Variants in TMC1 observed in about 807,000 individuals in gnomAD.
TMC1 encodes transmembrane channel-like protein 1.
TMC1 carries 84 observed loss-of-function variants against 105.8 expected under a neutral mutation model. The ratio of observed to expected loss-of-function variants is 0.79; its 90% CI spans 0.67 to 0.95. The LOEUF (loss-of-function observed/expected upper bound fraction) is 0.95, where lower values mean the gene tolerates loss of function less well. Ranked by LOEUF, TMC1 falls within the 40% of genes least tolerant of loss-of-function variation. TMC1 has a pLI of 0.00. For missense variants in TMC1, 817 were observed against 914.1 expected (o/e 0.89, Z 1.37); for synonymous variants, 315 against 311.5 (o/e 1.01, Z -0.12).
intron 8 of TMC1, among the ~76,000 whole-genome samples, chr9:72,705,954 C>T (rs979313661): frequency 4.6e-5 from 7 of 152,220 alleles, no homozygotes; most frequent in Admixed American, 4.6e-4. Flanking sequence ...AAGTTATCCT[C>T]AGATTTCATT....
At chr9:72,640,551 A>C (rs1384256872) in intron 4 of TMC1, among the ~76,000 whole-genome samples, 1 of 152,200 alleles carries the variant, frequency 6.6e-6, no homozygotes, top group Non-Finnish European at 1.5e-5. Flanking sequence ...ACATTTAGGA[A>C]ATGAAACCAC....
At chr9:72,741,576 G>C (rs1338215700) in intron 9 of TMC1, 1 of 162,254 alleles carries the variant, frequency 6.2e-6, no homozygotes, top group East Asian at 1.8e-4. Flanking sequence ...AAACTCCAGA[G>C]TGATGGTCTT....
intron 2 of TMC1, among the ~76,000 whole-genome samples, chr9:72,589,388 A>C (rs1219850832): frequency 2.0e-5 from 3 of 152,236 alleles, no homozygotes; most frequent in Non-Finnish European, 2.9e-5. Flanking sequence ...AAAATTATAC[A>C]TAATTCATCT....
At chr9:72,613,521 T>C (rs1825071913) in intron 2 of TMC1, among the ~76,000 whole-genome samples, 1 of 152,134 alleles carries the variant, frequency 6.6e-6, no homozygotes, top group South Asian at 2.1e-4. Flanking sequence ...CTGATTATCT[T>C]TTGGGTGGGC....
At chr9:72,680,351 T>C (rs973618346) in intron 5 of TMC1, among the ~76,000 whole-genome samples, 8 of 151,994 alleles carry the variant, frequency 5.3e-5, no homozygotes, top group Non-Finnish European at 1.2e-4. Context: ...AGAGAAAAAA[T>C]TAGGATGAAT....
chr9:72,780,083 C>T (rs1828068834), intron 13 of TMC1, among the ~76,000 whole-genome samples: 1 of 152,134 alleles, frequency 6.6e-6, no homozygotes, highest in Admixed American at 6.5e-5. Context: ...GCAGTACAAC[C>T]AAGAAGAGAT....
intron 8 of TMC1, among the ~76,000 whole-genome samples, chr9:72,704,598 G>T (rs1301037791): frequency 6.6e-6 from 1 of 152,168 alleles, no homozygotes; most frequent in Non-Finnish European, 1.5e-5. Context: ...TCAGGAGCTA[G>T]AGTTCAGCAT....
chr9:72,822,409 T>C (rs1239901687), intron 20 of TMC1, among the ~76,000 whole-genome samples: 2 of 152,178 alleles, frequency 1.3e-5, no homozygotes, highest in Non-Finnish European at 2.9e-5. Context: ...GTCTGAGTTA[T>C]TGCTTTGCTG....
At chr9:72,642,872 TC>T (rs1251519851) in intron 4 of TMC1, among the ~76,000 whole-genome samples, 1 of 152,186 alleles carries the variant, frequency 6.6e-6, no homozygotes, top group Non-Finnish European at 1.5e-5. Flanking sequence ...TCGTCTCCCC[TC>T]CAAAATTCTC....
chr9:72,776,240 A>ATT (rs1828003385), intron 13 of TMC1, among the ~76,000 whole-genome samples: 1 of 151,798 alleles, frequency 6.6e-6, no homozygotes, highest in South Asian at 2.1e-4. Context: ...TATAATATAG[A>ATT]TTATATATAT....
At chr9:72,699,228 T>C (rs1826601671) in intron 7 of TMC1, among the ~76,000 whole-genome samples, 2 of 152,184 alleles carry the variant, frequency 1.3e-5, no homozygotes, top group African/African-American at 2.4e-5. Context: ...CTGGACCGCA[T>C]AGTGTTTTCG....
intron 2 of TMC1, among the ~76,000 whole-genome samples, chr9:72,588,406 G>A (rs1300538800): frequency 2.0e-5 from 3 of 152,180 alleles, no homozygotes; most frequent in Non-Finnish European, 4.4e-5. Flanking sequence ...AAGGCTGGGG[G>A]CTATAATCAT....
At chr9:72,565,646 C>T (rs1043149941) in intron 1 of TMC1, among the ~76,000 whole-genome samples, 6 of 151,950 alleles carry the variant, frequency 3.9e-5, no homozygotes, top group African/African-American at 1.2e-4. Context: ...ATGCCCGAGA[C>T]GGTAATTTAT....
At chr9:72,607,000 T>G (rs77666447) in intron 2 of TMC1, among the ~76,000 whole-genome samples, 37,027 of 127,642 alleles carry the variant, frequency 0.29, 4,981 homozygotes, top group East Asian at 0.34. Flanking sequence ...TATATATATA[T>G]ATAGAGAGAG....
intron 5 of TMC1, among the ~76,000 whole-genome samples, chr9:72,669,020 T>G (rs1452836900): frequency 2.6e-5 from 4 of 152,134 alleles, no homozygotes; most frequent in Non-Finnish European, 5.9e-5. Context: ...TAAAAGATAA[T>G]ACAGCTGGGT....
chr9:72,789,200 C>A lies in TMC1; in HGVS notation c.1107C>A (p.Asn369Lys). ...HLIRFLRFLA[N>K]FFVFLTLGGS... The stretch of plus-strand genomic sequence containing the variant: ...TCAGATTCCTGAGGTTTCTGGCTAA[C>A]TTCTTCGTGTTTCTAACACTTGGAG... Residue 369 changes from asparagine to lysine, a missense_variant, in exon 15 of 24, where the codon AAC (asparagine) becomes AAA (lysine). Coordinates refer to ENST00000297784, the MANE Select transcript of TMC1 (RefSeq NM_138691.3). 1 of 1,613,908 alleles carries A rather than the reference C, an allele frequency of 6.2e-7. No homozygotes were observed. Among genetic ancestry groups the A allele is most frequent in the Non-Finnish European group, 8.5e-7 (1 of 1,179,944 alleles).
intron 13 of TMC1, among the ~76,000 whole-genome samples, chr9:72,785,038 C>A (rs1828147806): frequency 6.6e-6 from 1 of 152,172 alleles, no homozygotes; most frequent in African/African-American, 2.4e-5. Flanking sequence ...CAAACCCCCA[C>A]AACATGCAAT....
intron 1 of TMC1, among the ~76,000 whole-genome samples, chr9:72,531,161 GT>G (rs1286405294): frequency 1.3e-5 from 2 of 151,994 alleles, no homozygotes; most frequent in African/African-American, 2.4e-5. Context: ...TTAACCTTGA[GT>G]TTTACCTACT....
At chr9:72,639,578 G>A (rs1825590089) in intron 4 of TMC1, among the ~76,000 whole-genome samples, 1 of 152,148 alleles carries the variant, frequency 6.6e-6, no homozygotes, top group South Asian at 2.1e-4. Flanking sequence ...AAGCCCTGAA[G>A]TAATCTATAC....
Sources: allele counts gnomAD v4.1 joint callset (sites outside exome capture counted in the v4.1 genomes callset), GRCh38; gene constraint gnomAD v4.1.1; transcripts MANE v1.5; gene names NCBI Gene and HGNC (gene_info 2026-07-23, HGNC 2026-07-21).